SDCBP: variants seen among roughly 807,000 people sequenced by gnomAD.
The protein encoded by SDCBP is syntenin-1.
In SDCBP, 22 loss-of-function variants were observed where a neutral mutation model predicts 30.5. That is an observed-to-expected ratio of 0.72 (90% CI 0.52 to 1.03). The LOEUF (loss-of-function observed/expected upper bound fraction) is 1.03. Ranked by LOEUF, SDCBP falls within the 50% of genes least tolerant of loss-of-function variation. The probability of loss-of-function intolerance (pLI) is 0.00; values close to 1 mark genes in which losing one functional copy is unlikely to be tolerated. For synonymous variants in SDCBP, 103 were observed against 118.7 expected, an observed-to-expected ratio of 0.87 and a Z score of 0.86; for missense variants, 304 against 369.9, an observed-to-expected ratio of 0.82 and a Z score of 1.46.
At chr8:58,557,953 A>T (rs7005920) in intron 1 of SDCBP, among the ~76,000 whole-genome samples, 2,094 of 152,292 alleles carry the variant, frequency 0.014, 57 homozygotes, top group African/African-American at 0.049. Flanking sequence ...GAATCCTCTT[A>T]AACCTCATTA....
At chr8:58,567,631 A>G (rs1455797766) in intron 2 of SDCBP, among the ~76,000 whole-genome samples, 2 of 152,222 alleles carry the variant, frequency 1.3e-5, no homozygotes. Flanking sequence ...AAAGACGGAT[A>G]TGTTCTGAGA....
rs770760245 is a variant in SDCBP at position 58,578,076 on chromosome 8, T to G, written c.446T>G (p.Leu149Trp). The G allele has an allele frequency of 6.2e-7, 1 of 1,613,866 alleles. No individual in the cohort carries two copies. The highest frequency in any genetic ancestry group is 1.7e-5 in the Admixed American group (1 of 60,018). ...GTCCAGGCTAATTCTCCAGCCTCATTGGTTGGTCTGAGATTTGGGGACCAA... is the reference window on the plus strand; with the variant it reads ...GTCCAGGCTAATTCTCCAGCCTCATGGGTTGGTCTGAGATTTGGGGACCAA... Reference protein sequence around the residue: ...QLVQANSPASLVGLRFGDQVL... With the variant: ...QLVQANSPASWVGLRFGDQVL... The change falls in exon 6 of 9, where the codon TTG (leucine) becomes TGG (tryptophan). Residue 149 changes from leucine (L) to tryptophan (W), a missense_variant. Transcript: ENST00000260130.
chr8:58,561,726 C>A, intron 1 of SDCBP: 1 of 675,672 alleles, frequency 1.5e-6, no homozygotes, highest in Non-Finnish European at 2.7e-6. Context: ...AAAGTATGTT[C>A]AACATGAAAG....
At position 58,555,153 on chromosome 8, in the gene SDCBP, G is replaced by T. The variant is rs80296633; in HGVS notation, c.-16+1850G>T. On this transcript the variant is annotated intron_variant, in intron 1 of 8. Transcript: ENST00000260130. ...TAATATCAGCATATATAGCTTTCAA[G>T]TCTTTTGCTGTTACACTCAGTGCTG... Among the ~76,000 whole-genome samples, 1,131 of 152,284 alleles carry T rather than the reference G, an allele frequency of 7.4e-3. 8 individuals carry two copies. Among genetic ancestry groups the T allele is most frequent in the Middle Eastern group, 0.014 (4 of 294 alleles).
intron 4 of SDCBP, 123 bp downstream of exon 4, chr8:58,572,437 T>G (rs1585700202): frequency 3.2e-6 from 2 of 626,170 alleles, no homozygotes; most frequent in Admixed American, 5.4e-5. Context: ...TCTCAGAAAT[T>G]TTAGACTTCC....
At chr8:58,555,915 G>GA (rs1431198966) in intron 1 of SDCBP, among the ~76,000 whole-genome samples, 1 of 151,892 alleles carries the variant, frequency 6.6e-6, no homozygotes, top group Admixed American at 6.6e-5. Context: ...TTCATTTTAT[G>GA]AATAGTTTGC....
chr8:58,566,288 A>T (rs1350523416), intron 2 of SDCBP, among the ~76,000 whole-genome samples: 1 of 152,168 alleles, frequency 6.6e-6, no homozygotes, highest in East Asian at 1.9e-4. Context: ...ACTGATAAGG[A>T]TTTTTAGATG....
Position 58,581,611 on chromosome 8 carries a change from T to G in SDCBP, c.843-75T>G. 3 of 1,102,474 alleles carry G rather than the reference T, an allele frequency of 2.7e-6. No homozygotes were observed. The South Asian group carries it at 3.8e-5, about 14-fold the overall frequency. The allele number at this position is 1,102,474 out of a possible 1,614,324, so 68.3% of individuals were successfully genotyped here. ...CAGGTGCTAAATTGGAATTGGGAAT[T>G]TTCTTGGATTAATGTAGCATTTTGA... On this transcript the variant is annotated intron_variant, in intron 8 of 8. Transcript: ENST00000260130.
chr8:58,575,984 A>G lies in SDCBP; in HGVS notation c.325A>G (p.Lys109Glu), dbSNP rs762682896. 13 of 1,613,608 alleles carry G rather than the reference A, an allele frequency of 8.1e-6. No homozygotes were observed. Among genetic ancestry groups the G allele is most frequent in the Non-Finnish European group, 1.0e-5 (12 of 1,179,722 alleles). ...NDVGIRRAEIKQGIREVILCK... is the reference protein window; with the variant it reads ...NDVGIRRAEIEQGIREVILCK... ...TGTTGGAATTCGTAGAGCAGAAATT[A>G]AGCAAGGGATTCGTGAAGTCATTTT... The change falls in exon 5 of 9, where the codon AAG (lysine) becomes GAG (glutamate). Residue 109 changes from lysine to glutamate, a missense_variant. Lys to Glu is a moderately conservative substitution (Grantham distance 56). Coordinates refer to ENST00000260130, the MANE Select transcript of SDCBP (RefSeq NM_005625.4).
intron 1 of SDCBP, among the ~76,000 whole-genome samples, chr8:58,557,070 G>T (rs1469256312): frequency 1.6e-5 from 2 of 123,922 alleles, no homozygotes; most frequent in Non-Finnish European, 3.1e-5. Flanking sequence ...ATATTATATA[G>T]TATAGTATAG....
chr8:58,576,235 G>T, intron 5 of SDCBP, 174 bp downstream of exon 5: 1 of 565,126 alleles, frequency 1.8e-6, no homozygotes, highest in Non-Finnish European at 3.1e-6. Context: ...ATTTTGCAGA[G>T]GCATAGTTGG....
At chr8:58,580,758 G>C in intron 8 of SDCBP, 150 bp downstream of exon 8, 1 of 597,814 alleles carries the variant, frequency 1.7e-6, no homozygotes, top group Non-Finnish European at 2.9e-6. Flanking sequence ...TAAATCAGAG[G>C]GTTGGTAAGG....
intron 3 of SDCBP, among the ~76,000 whole-genome samples, chr8:58,571,468 C>T (rs1391287081): frequency 1.3e-5 from 2 of 152,122 alleles, no homozygotes; most frequent in Non-Finnish European, 2.9e-5. Flanking sequence ...GGATTCAGGA[C>T]AGAGCTCCTA....
intron 4 of SDCBP, among the ~76,000 whole-genome samples, chr8:58,572,879 C>T (rs143717325): frequency 0.019 from 2,786 of 143,748 alleles, 45 homozygotes; most frequent in African/African-American, 0.044. Context: ...TGATCTCGGC[C>T]CACTGCAACC....
At position 58,570,890 on chromosome 8, in the gene SDCBP, C is replaced by G. The variant is rs750874251; in HGVS notation, c.55C>G (p.Gln19Glu). ...ATTTTCTTCTTTTCTTTTTCAGGCT[C>G]AAACTGCTTTTTCTGCAAACCCTGC... ...DLKVDKVIQA[Q>E]TAFSANPANP... is the part of the protein sequence containing the mutation. The change falls in exon 3 of 9, where the codon CAA becomes GAA. Residue 19 changes from glutamine (Q) to glutamate (E), a missense_variant. Gln to Glu is a conservative substitution (Grantham distance 29). Coordinates refer to ENST00000260130, the MANE Select transcript of SDCBP (RefSeq NM_005625.4). The G allele has an allele frequency of 6.2e-7, 1 of 1,612,326 alleles. No individual in the cohort carries two copies. The highest frequency in any genetic ancestry group is 2.2e-5 in the East Asian group (1 of 44,804).
rs1805761568 is a variant in SDCBP, at chr8:58,582,804, G to T, written c.*1064G>T. ...TTATCCTGATTTTTTTCTTCTTTTT[G>T]GTTTATGTCTATTCTAATTAAATAT... On this transcript the variant is annotated 3_prime_UTR_variant, in exon 9 of 9. Coordinates refer to ENST00000260130, the MANE Select transcript of SDCBP (RefSeq NM_005625.4). The T allele has an allele frequency of 6.6e-6, 1 of 152,268 alleles. No homozygotes were observed. The highest frequency in any genetic ancestry group is 1.5e-5 in the Non-Finnish European group (1 of 67,958). 9.4% of individuals were successfully genotyped at this position (152,268 alleles called of 1,614,324 possible).
chr8:58,556,406 A>G lies in SDCBP; in HGVS notation c.-16+3103A>G, dbSNP rs573471387. ...CCTGCTGTGGGTGGCCTGGTTCCCA[A>G]TGGGCCACCGACTGGTACTGGTCCA... On this transcript the variant is annotated intron_variant, in intron 1 of 8. Transcript: ENST00000260130. 3.9e-5 allele frequency among the ~76,000 whole-genome samples: 6 copies of G among 152,274 alleles called. No homozygotes were observed. In the East Asian group the frequency reaches 9.7e-4, roughly 25 times the overall value.
Position 58,572,541 on chromosome 8 carries a change from G to A in SDCBP, c.240+227G>A, listed in dbSNP as rs144456572. On this transcript the variant is annotated intron_variant, in intron 4 of 8. Transcript: ENST00000260130. Reference sequence around the variant, plus strand: ...AGATTCAGATACCTTTTACTAGTTCGTTCTCCTTTGTCTTCTGCATTTAGT... The same window carrying A: ...AGATTCAGATACCTTTTACTAGTTCATTCTCCTTTGTCTTCTGCATTTAGT... 4.2e-3 allele frequency among the ~76,000 whole-genome samples: 642 copies of A among 152,040 alleles called. 5 individuals are homozygous for A. The highest frequency in any genetic ancestry group is 0.015 in the African/African-American group (609 of 41,468).
Position 58,578,190 on chromosome 8 carries a change from C to A in SDCBP, c.560C>A (p.Thr187Asn). 1 of 1,569,340 alleles carries A rather than the reference C, an allele frequency of 6.4e-7. No individual in the cohort carries two copies. Among genetic ancestry groups the A allele is most frequent in the African/African-American group, 1.4e-5 (1 of 72,342 alleles). ...VLKQAFGEKI[T>N]MTIRDRPFER... ...AAACAGGCTTTTGGAGAGAAGATTACCATGACCATTCGTGACAGGTAAGCT... is the reference window on the plus strand; with the variant it reads ...AAACAGGCTTTTGGAGAGAAGATTAACATGACCATTCGTGACAGGTAAGCT... Residue 187 changes from threonine to asparagine, a missense_variant, in exon 6 of 9, where the codon ACC (threonine) becomes AAC (asparagine). Coordinates refer to ENST00000260130, the MANE Select transcript of SDCBP (RefSeq NM_005625.4).
Sources: allele counts gnomAD v4.1 joint callset (sites outside exome capture counted in the v4.1 genomes callset), GRCh38; gene constraint gnomAD v4.1.1; transcripts MANE v1.5; gene names NCBI Gene and HGNC (gene_info 2026-07-23, HGNC 2026-07-21).